NEK1: variants seen among roughly 807,000 people sequenced by gnomAD.
NEK1 encodes NIMA related kinase 1.
A neutral mutation model predicts 182.1 loss-of-function variants in NEK1; 137 were observed. The observed-to-expected ratio is 0.75, with a 90% CI of 0.65 to 0.87. NEK1 has a LOEUF of 0.87. Among genes scored for constraint, NEK1 ranks in the 40% least tolerant of loss-of-function variants. NEK1 has a pLI of 0.00. For missense variants in NEK1, 1,391 were observed against 1,494.4 expected, an observed-to-expected ratio of 0.93 and a Z score of 1.14; for synonymous variants, 513 against 492.2, an observed-to-expected ratio of 1.04 and a Z score of -0.56.
At chr4:169,497,301 CT>C (rs1751516608) in intron 23 of NEK1, among the ~76,000 whole-genome samples, 1 of 151,978 alleles carries the variant, frequency 6.6e-6, no homozygotes, top group Non-Finnish European at 1.5e-5. Context: ...CTCTTTTCTT[CT>C]TTATTAGTCT....
intron 23 of NEK1, among the ~76,000 whole-genome samples, chr4:169,490,914 C>T (rs1446412404): frequency 7.9e-5 from 12 of 151,888 alleles, no homozygotes; most frequent in South Asian, 2.1e-4. Context: ...GAGGCCAAGG[C>T]GGGAGGATCA....
chr4:169,597,894 A>G (rs920070989), intron 5 of NEK1, among the ~76,000 whole-genome samples: 1 of 152,056 alleles, frequency 6.6e-6, no homozygotes, highest in African/African-American at 2.4e-5. Flanking sequence ...AGATTGTGCC[A>G]CTCCACTCGA....
intron 35 of NEK1, among the ~76,000 whole-genome samples, chr4:169,397,228 G>GA (rs60586351): frequency 0.43 from 63,690 of 146,854 alleles, 16,615 homozygotes; most frequent in East Asian, 0.75. Context: ...TGTCTCCATA[G>GA]AAAAAAAAAA....
At chr4:169,600,364 A>T (rs545254936) in intron 4 of NEK1, among the ~76,000 whole-genome samples, 1 of 151,830 alleles carries the variant, frequency 6.6e-6, no homozygotes, top group South Asian at 2.1e-4. Context: ...TAATTTTTTA[A>T]ATTTTTGTAG....
chr4:169,465,998 A>G (rs963195564), intron 26 of NEK1, among the ~76,000 whole-genome samples: 32 of 152,126 alleles, frequency 2.1e-4, no homozygotes, highest in African/African-American at 7.0e-4. Flanking sequence ...ACTATAAAAA[A>G]GGAAGAAAAA....
At chr4:169,471,331 T>C (rs1745922364) in intron 26 of NEK1, among the ~76,000 whole-genome samples, 1 of 152,218 alleles carries the variant, frequency 6.6e-6, no homozygotes, top group Admixed American at 6.5e-5. Context: ...TTTGTTGATG[T>C]TGATGCTATT....
chr4:169,450,753 T>C (rs1457293797), intron 27 of NEK1, among the ~76,000 whole-genome samples: 3 of 152,200 alleles, frequency 2.0e-5, no homozygotes, highest in African/African-American at 7.2e-5. Context: ...CATCAATTAA[T>C]GGGCAAAATA....
At chr4:169,409,155 C>CTTTTTTTTTTTT (rs1365338777) in intron 31 of NEK1, among the ~76,000 whole-genome samples, 1 of 151,532 alleles carries the variant, frequency 6.6e-6, no homozygotes. Context: ...TATTGTTTTT[C>CTTTTTTTTTTTT]TTTTTTTTGA....
At chr4:169,588,528 T>A in intron 8 of NEK1, 121 bp downstream of exon 8, 1 of 509,006 alleles carries the variant, frequency 2.0e-6, no homozygotes, top group Non-Finnish European at 3.5e-6. Context: ...ACATTTTATA[T>A]ATACATATGT....
Position 169,479,481 on chromosome 4 carries a change from A to G in NEK1, c.2061T>C (p.His687=). Residue 687 remains histidine, a synonymous_variant, in exon 24 of 36, where the codon CAT becomes CAC. Transcript: ENST00000507142. The stretch of plus-strand genomic sequence containing the variant: ...GCTTTGATGGAGAGCCACCTGTTTC[A>G]TGCTGTCCCAAAGGTGGAGAAACAT... The part of the protein sequence containing the change: ...SSDVSPPLGQ[H]ETGGSPSKQQ... The G allele has an allele frequency of 1.2e-6, 2 of 1,612,096 alleles. No individual in the cohort carries two copies. Among genetic ancestry groups the G allele is most frequent in the Non-Finnish European group, 1.7e-6 (2 of 1,179,044 alleles).
intron 28 of NEK1, among the ~76,000 whole-genome samples, chr4:169,434,864 A>G (rs889295199): frequency 6.6e-6 from 1 of 152,132 alleles, no homozygotes; most frequent in Non-Finnish European, 1.5e-5. Flanking sequence ...TTATTTTTTA[A>G]TGAATAATTC....
In NEK1 at chr4:169,425,726, C is replaced by T. The variant is rs1056236637; in HGVS notation, c.2974+420G>A. On this transcript the variant is annotated intron_variant, in intron 30 of 35. Transcript: ENST00000507142. ...AGAGATGGAGTAGCGCTATGTTGTC[C>T]AGGCTGGTCTCAAACTTCTGGCCTC... Among the ~76,000 whole-genome samples, 13 of 152,152 alleles carry T rather than the reference C, an allele frequency of 8.5e-5. No individual in the cohort carries two copies. The South Asian group carries it at 2.3e-3, about 27-fold the overall frequency.
chr4:169,507,185 T>TTC, intron 22 of NEK1, 53 bp from the exon 23 acceptor site: 1 of 803,558 alleles, frequency 1.2e-6, no homozygotes, highest in Non-Finnish European at 1.8e-6. Context: ...GGGCAGAGGT[T>TTC]TTTTTTTTTT....
At chr4:169,522,313 C>A (rs188624783) in intron 19 of NEK1, among the ~76,000 whole-genome samples, 1 of 152,130 alleles carries the variant, frequency 6.6e-6, no homozygotes, top group Non-Finnish European at 1.5e-5. Flanking sequence ...ATTTCTATCA[C>A]AGCAACTTTC....
chr4:169,509,259 A>C (rs1753811445), intron 19 of NEK1, among the ~76,000 whole-genome samples: 1 of 152,122 alleles, frequency 6.6e-6, no homozygotes, highest in African/African-American at 2.4e-5. Context: ...GATATTTGAG[A>C]TCACTTTTTC....
rs1217670480 is a variant in NEK1 at position 169,561,869 on chromosome 4, A to T, written c.1103T>A (p.Leu368Gln). Residue 368 changes from leucine to glutamine, a missense_variant, in exon 14 of 36, where the codon CTG becomes CAG. Around this residue, in one of 5 missense-constraint regions of NEK1, gnomAD observed 1,216 missense variants for 1,277.6 expected, o/e 0.95. Coordinates refer to ENST00000507142, the MANE Select transcript of NEK1 (RefSeq NM_001199397.3). ...TTTCTTTTCTTTTTCAATAAATTCCAGCCTTCTCTTTCTTGCTGCTTCCTT... is the reference window on the plus strand; with the variant it reads ...TTTCTTTTCTTTTTCAATAAATTCCTGCCTTCTCTTTCTTGCTGCTTCCTT... The part of the protein sequence containing the change: ...ISEEAARKRR[L>Q]EFIEKEKKQK... The T allele has an allele frequency of 3.7e-6, 6 of 1,608,682 alleles. No homozygotes were observed. The African/African-American group carries it at 8.0e-5, about 22-fold the overall frequency.
At chr4:169,582,475 A>C (rs1351850690) in intron 10 of NEK1, among the ~76,000 whole-genome samples, 1 of 152,214 alleles carries the variant, frequency 6.6e-6, no homozygotes, top group Non-Finnish European at 1.5e-5. Context: ...GACAAATGTT[A>C]AGAGCCAAGT....
rs559586101 is a variant in NEK1 at position 169,572,313 on chromosome 4, G to A, written c.1020+4615C>T. On this transcript the variant is annotated intron_variant, in intron 12 of 35. Transcript: ENST00000507142. ...GAAGTCACAATTGACAGGATATGAC[G>A]TAGAAAGAGTAGTCAATAATGACTC... Among the ~76,000 whole-genome samples the A allele has an allele frequency of 1.1e-4, 16 of 152,254 alleles. No individual in the cohort carries two copies. The South Asian group carries it at 1.7e-3, about 16-fold the overall frequency.
At chr4:169,581,039 TAAAAAAAA>T (rs34236215) in intron 10 of NEK1, 137 bp from the exon 11 acceptor site, 48 of 130,974 alleles carry the variant, frequency 3.7e-4, no homozygotes, top group Middle Eastern at 6.1e-3. Flanking sequence ...ACCAAGTTGT[TAAAAAAAA>T]AAAAAAAAAA....
Sources: allele counts gnomAD v4.1 joint callset (sites outside exome capture counted in the v4.1 genomes callset), GRCh38; gene constraint gnomAD v4.1.1; regional missense constraint gnomAD v4.1.1; transcripts MANE v1.5; gene names NCBI Gene and HGNC (gene_info 2026-07-23, HGNC 2026-07-21).